The following GSTP1 variants were observed in gnomAD, a reference collection of about 807,000 sequenced individuals.
The protein encoded by GSTP1 is glutathione S-transferase pi 1.
In GSTP1, 28 loss-of-function variants were observed where a neutral mutation model predicts 29.4. The ratio of observed to expected loss-of-function variants is 0.95; its 90% CI spans 0.71 to 1.30. The LOEUF (loss-of-function observed/expected upper bound fraction) is 1.30. GSTP1 is among the 50% of genes most tolerant of loss of function. The pLI is 0.00. For synonymous variants in GSTP1, 122 were observed against 117.0 expected (o/e 1.04, Z -0.28); for missense variants, 267 against 266.1 (o/e 1.00, Z -0.02).
rs748921331 is a variant in GSTP1 at position 67,586,197 on chromosome 11, A to C, written c.430A>C (p.Ile144Leu). 4.3e-6 allele frequency: 7 copies of C among 1,612,536 alleles called. No homozygotes were observed. The South Asian group carries it at 4.4e-5, about 10-fold the overall frequency. ...CCAGAACCAGGGAGGCAAGACCTTC[A>C]TTGTGGGAGACCAGGTGAGCATCTG... ...LSQNQGGKTFIVGDQISFADY... is the reference protein window; with the variant it reads ...LSQNQGGKTFLVGDQISFADY... The change falls in exon 6 of 7, where the codon ATT becomes CTT. Residue 144 changes from isoleucine (I) to leucine (L), a missense_variant. By Grantham distance (5) the Ile-to-Leu change is conservative. Transcript: ENST00000398606.
In GSTP1 at chr11:67,583,859, C is replaced by A; in HGVS notation, c.1+15C>A. Reference sequence around the variant, plus strand: ...CTTCGCCACCAGTGAGTACGCGCGGCCCGCGTCCCCGGGGATGGGGCTCAG... The same window carrying A: ...CTTCGCCACCAGTGAGTACGCGCGGACCGCGTCCCCGGGGATGGGGCTCAG... On this transcript the variant is annotated intron_variant, in intron 1 of 6. Transcript: ENST00000398606. The A allele has an allele frequency of 1.3e-6, 1 of 744,110 alleles. No individual in the cohort carries two copies. The highest frequency in any genetic ancestry group is 2.5e-5 in the East Asian group (1 of 39,758). 46.1% of individuals were successfully genotyped at this position (744,110 alleles called of 1,614,324 possible).
At chr11:67,584,354 T>G in intron 2 of GSTP1, 110 bp from the exon 3 acceptor site, 1 of 730,440 alleles carries the variant, frequency 1.4e-6, no homozygotes, top group Non-Finnish European at 2.3e-6. Flanking sequence ...TGTGAAATCT[T>G]CGGAGGAACC....
In GSTP1 at chr11:67,584,077, C is replaced by T. The variant is rs1181506145; in HGVS notation, c.2-57C>T. Reference sequence around the variant, plus strand: ...GCGGGGAGGGGGGGCAGACTGCGCTCACCGCGCCTTGGCATCCTCCCCCGG... The same window carrying T: ...GCGGGGAGGGGGGGCAGACTGCGCTTACCGCGCCTTGGCATCCTCCCCCGG... On this transcript the variant is annotated intron_variant, in intron 1 of 6. Transcript: ENST00000398606. 3 of 1,455,066 alleles carry T rather than the reference C, an allele frequency of 2.1e-6. No homozygotes were observed. In the African/African-American group the frequency reaches 4.1e-5, roughly 20 times the overall value. The allele number at this position is 1,455,066 out of a possible 1,614,324, so 90.1% of individuals were successfully genotyped here.
chr11:67,586,121 C>T lies in GSTP1; in HGVS notation c.354C>T (p.Asp118=). 1 of 1,613,524 alleles carries T rather than the reference C, an allele frequency of 6.2e-7. No homozygotes were observed. Among genetic ancestry groups the T allele is most frequent in the Non-Finnish European group, 8.5e-7 (1 of 1,179,600 alleles). ...TCTGGCAGGAGGCGGGCAAGGATGA[C>T]TATGTGAAGGCACTGCCCGGGCAAC... ...IYTNYEAGKD[D]YVKALPGQLK... The change falls in exon 6 of 7, where the codon GAC becomes GAT. Residue 118 remains aspartate (D), a synonymous_variant. Coordinates refer to ENST00000398606, the MANE Select transcript of GSTP1 (RefSeq NM_000852.4).
chr11:67,586,481 A>G lies in GSTP1; in HGVS notation c.537A>G (p.Ala179=). 6.2e-7 allele frequency: 1 copy of G among 1,614,176 alleles called. No homozygotes were observed. The highest frequency in any genetic ancestry group is 1.1e-5 in the South Asian group (1 of 91,078). The change falls in exon 7 of 7, where the codon GCA becomes GCG. Residue 179 remains alanine (A), a synonymous_variant. Transcript: ENST00000398606. ...GCLDAFPLLS[A]YVGRLSARPK... is the part of the protein sequence containing the mutation. Reference sequence around the variant, plus strand: ...TGGATGCGTTCCCCCTGCTCTCAGCATATGTGGGGCGCCTCAGTGCCCGGC... The same window carrying G: ...TGGATGCGTTCCCCCTGCTCTCAGCGTATGTGGGGCGCCTCAGTGCCCGGC...
chr11:67,586,443 G>C lies in GSTP1; in HGVS notation c.499G>C (p.Ala167Pro). The C allele has an allele frequency of 1.2e-6, 2 of 1,614,200 alleles. No homozygotes were observed. The highest frequency in any genetic ancestry group is 1.7e-6 in the Non-Finnish European group (2 of 1,180,030). The change falls in exon 7 of 7, where the codon GCC becomes CCC. Residue 167 changes from alanine (A) to proline (P), a missense_variant. Physicochemically the swap from Ala to Pro is conservative, Grantham distance 27 (BLOSUM62 -1). Coordinates refer to ENST00000398606, the MANE Select transcript of GSTP1 (RefSeq NM_000852.4). ...CTTGCTGCTGATCCATGAGGTCCTA[G>C]CCCCTGGCTGCCTGGATGCGTTCCC... is the stretch of plus-strand genomic sequence containing the variant. ...LDLLLIHEVLAPGCLDAFPLL... is the reference protein window; with the variant it reads ...LDLLLIHEVLPPGCLDAFPLL...
chr11:67,584,383 C>T, intron 2 of GSTP1, 81 bp from the exon 3 acceptor site: 1 of 781,542 alleles, frequency 1.3e-6, no homozygotes, highest in Non-Finnish European at 2.1e-6. Flanking sequence ...TGTTCCCTCC[C>T]TGCACTCCTG....
Position 67,585,189 on chromosome 11 carries a change from A to G in GSTP1, c.284A>G (p.Asp95Gly), listed in dbSNP as rs2134394286. The change falls in exon 5 of 7, where the codon GAC becomes GGC. Residue 95 changes from aspartate (D) to glycine (G), a missense_variant. Coordinates refer to ENST00000398606, the MANE Select transcript of GSTP1 (RefSeq NM_000852.4). ...QEAALVDMVNDGVEDLRCKYI... is the reference protein window; with the variant it reads ...QEAALVDMVNGGVEDLRCKYI... ...GCAGCCCTGGTGGACATGGTGAATG[A>G]CGGCGTGGAGGACCTCCGCTGCAAA... The G allele has an allele frequency of 1.2e-6, 2 of 1,613,796 alleles. No homozygotes were observed. The highest frequency in any genetic ancestry group is 1.3e-5 in the African/African-American group (1 of 75,022).
In GSTP1 at chr11:67,586,089, G is replaced by A. The variant is rs758809730; in HGVS notation, c.337-15G>A. 1 of 1,593,098 alleles carries A rather than the reference G, an allele frequency of 6.3e-7. No individual in the cohort carries two copies. The highest frequency in any genetic ancestry group is 1.7e-5 in the Admixed American group (1 of 59,906). On this transcript the variant is annotated splice_polypyrimidine_tract_variant and intron_variant, in intron 5 of 6. Coordinates refer to ENST00000398606, the MANE Select transcript of GSTP1 (RefSeq NM_000852.4). ...GAGGGATGAGAGTAGGATGATACAT[G>A]GTGGTGTCTGGCAGGAGGCGGGCAA...
chr11:67,585,694 T>C (rs905789113), intron 5 of GSTP1, among the ~76,000 whole-genome samples: 5 of 151,792 alleles, frequency 3.3e-5, no homozygotes, highest in African/African-American at 1.2e-4. Flanking sequence ...TGTGCGTGTG[T>C]GTGTGTACGC....
intron 1 of GSTP1, 85 bp downstream of exon 1, chr11:67,583,929 C>G (rs983802345): frequency 7.4e-6 from 5 of 676,418 alleles, no homozygotes; most frequent in African/African-American, 1.8e-5. Context: ...CCCGGGCTCC[C>G]GGCAGGGCTC....
At chr11:67,585,511 C>CAAA (rs1867453075) in intron 5 of GSTP1, among the ~76,000 whole-genome samples, 1 of 152,166 alleles carries the variant, frequency 6.6e-6, no homozygotes, top group East Asian at 1.9e-4. Flanking sequence ...TTCTGATCTC[C>CAAA]TGGGGTGGCG....
At chr11:67,585,108 C>A (rs757152293) in intron 4 of GSTP1, 30 bp from the exon 5 acceptor site, 4 of 1,426,352 alleles carry the variant, frequency 2.8e-6, no homozygotes, top group Admixed American at 1.7e-5. Flanking sequence ...CGCCCAGTCA[C>A]GCGGCCTGCT....
intron 2 of GSTP1, 119 bp downstream of exon 2, chr11:67,584,288 G>A (rs1867427692): frequency 2.4e-6 from 2 of 826,336 alleles, no homozygotes; most frequent in African/African-American, 1.7e-5. Flanking sequence ...TTTTACCCCG[G>A]GCCTCCTTCC....
At chr11:67,584,222 A>C in intron 2 of GSTP1, 53 bp downstream of exon 2, 1 of 1,367,642 alleles carries the variant, frequency 7.3e-7, no homozygotes. Context: ...GCTGCAGCCC[A>C]CAGCCCCTCG....
In GSTP1 at chr11:67,585,203, C is replaced by T. The variant is rs2134394329; in HGVS notation, c.298C>T (p.Leu100Phe). 1 of 1,602,444 alleles carries T rather than the reference C, an allele frequency of 6.2e-7. No homozygotes were observed. Among genetic ancestry groups the T allele is most frequent in the Non-Finnish European group, 8.5e-7 (1 of 1,173,614 alleles). ...VDMVNDGVED[L>F]RCKYISLIYT... ...CATGGTGAATGACGGCGTGGAGGAC[C>T]TCCGCTGCAAATACATCTCCCTCAT... Residue 100 changes from leucine (L) to phenylalanine (F), a missense_variant, in exon 5 of 7, where the codon CTC becomes TTC. Leu to Phe is a conservative substitution (Grantham distance 22, BLOSUM62 0). Coordinates refer to ENST00000398606, the MANE Select transcript of GSTP1 (RefSeq NM_000852.4).
chr11:67,584,596 G>GA, intron 3 of GSTP1, 26 bp downstream of exon 3: 1 of 1,578,226 alleles, frequency 6.3e-7, no homozygotes, highest in Non-Finnish European at 8.7e-7. Context: ...CGGGCAAGGG[G>GA]AGGGGGTGCT....
At chr11:67,583,889 C>T (rs1050360669) in intron 1 of GSTP1, 45 bp downstream of exon 1, 3 of 723,832 alleles carry the variant, frequency 4.1e-6, no homozygotes, top group Admixed American at 4.0e-5. Context: ...GCTCAGAGCT[C>T]CCAGCATGGG....
chr11:67,585,288 G>A (rs942442022), intron 5 of GSTP1, 47 bp downstream of exon 5: 1 of 1,306,054 alleles, frequency 7.7e-7, no homozygotes, highest in Middle Eastern at 1.8e-4. Flanking sequence ...AACAAAGAAA[G>A]GGGCTTCTTG....
Sources: allele counts gnomAD v4.1 joint callset (sites outside exome capture counted in the v4.1 genomes callset), GRCh38; gene constraint gnomAD v4.1.1; transcripts MANE v1.5; gene names NCBI Gene and HGNC (gene_info 2026-07-23, HGNC 2026-07-21).